GREB1L: variants seen among roughly 807,000 people sequenced by gnomAD.
The protein encoded by GREB1L is GREB1-like protein.
GREB1L carries 17 observed loss-of-function variants against 200.8 expected under a neutral mutation model. The ratio of observed to expected loss-of-function variants is 0.08; its 90% CI spans 0.06 to 0.13. GREB1L has a LOEUF of 0.13. Among genes scored for constraint, GREB1L ranks in the 10% least tolerant of loss-of-function variants. The probability of loss-of-function intolerance (pLI) is 1.00; values close to 1 mark genes in which losing one functional copy is unlikely to be tolerated. For synonymous variants in GREB1L, 789 were observed against 893.0 expected (o/e 0.88, Z 2.08); for missense variants, 1,657 against 2,367.7 (o/e 0.70, Z 6.23).
At chr18:21,335,713 G>A (rs571628162) in intron 1 of GREB1L, among the ~76,000 whole-genome samples, 63 of 151,050 alleles carry the variant, frequency 4.2e-4, no homozygotes, top group African/African-American at 1.5e-3. Flanking sequence ...GCCCAGGCTG[G>A]AGTGCAGTGG....
At chr18:21,404,423 T>C (rs1002140762) in intron 7 of GREB1L, among the ~76,000 whole-genome samples, 1 of 152,184 alleles carries the variant, frequency 6.6e-6, no homozygotes, top group African/African-American at 2.4e-5. Flanking sequence ...GGTCCTAAGC[T>C]AGGATTGTGG....
intron 7 of GREB1L, among the ~76,000 whole-genome samples, chr18:21,417,042 T>C (rs950991022): frequency 6.6e-6 from 1 of 151,002 alleles, no homozygotes; most frequent in Non-Finnish European, 1.5e-5. Flanking sequence ...AATAAAAATA[T>C]AAATAAATAA....
intron 1 of GREB1L, among the ~76,000 whole-genome samples, chr18:21,268,244 T>C (rs1158453094): frequency 6.6e-6 from 1 of 151,882 alleles, no homozygotes; most frequent in African/African-American, 2.4e-5. Context: ...GCCTTTGTCT[T>C]GTGTGGGAAA....
At chr18:21,456,414 C>T (rs953773922) in intron 15 of GREB1L, among the ~76,000 whole-genome samples, 5 of 152,158 alleles carry the variant, frequency 3.3e-5, no homozygotes, top group South Asian at 2.1e-4. Context: ...ACATTCCATG[C>T]GTGTATCAAA....
In GREB1L at chr18:21,516,502, GTTGA is replaced by G. The variant is rs971198549; in HGVS notation, c.5130-108_5130-105del. The stretch of plus-strand genomic sequence containing the variant: ...CGAGGGCCAGCTCCACAAAAGCATG[GTTGA>G]TTATTTTAGGCTCCTAATATCTTGC... On this transcript the variant is annotated intron_variant, in intron 29 of 32. Coordinates refer to ENST00000424526, the MANE Select transcript of GREB1L (RefSeq NM_001142966.3). The G allele has an allele frequency of 1.2e-5, 13 of 1,075,300 alleles. No individual in the cohort carries two copies. The East Asian group carries it at 1.3e-4, about 11-fold the overall frequency. The allele number at this position is 1,075,300 out of a possible 1,614,324, so 66.6% of individuals were successfully genotyped here.
intron 1 of GREB1L, among the ~76,000 whole-genome samples, chr18:21,242,980 T>C (rs76802915): frequency 0.067 from 10,251 of 152,042 alleles, 536 homozygotes; most frequent in Admixed American, 0.14. Flanking sequence ...GTCTGTGGGT[T>C]TTTTTCCTCA....
chr18:21,477,678 C>T (rs946503892), intron 17 of GREB1L, among the ~76,000 whole-genome samples: 5 of 151,696 alleles, frequency 3.3e-5, no homozygotes, highest in African/African-American at 1.2e-4. Context: ...CCCAGCTATT[C>T]AGGAGGCTGA....
In GREB1L at chr18:21,279,847, G is replaced by T. The variant is rs563377037; in HGVS notation, c.-120+37454G>T. 5.3e-5 allele frequency among the ~76,000 whole-genome samples: 8 copies of T among 152,200 alleles called. No homozygotes were observed. In the East Asian group the frequency reaches 1.4e-3, roughly 26 times the overall value. On this transcript the variant is annotated intron_variant, in intron 1 of 32. Transcript: ENST00000424526. ...GGTTTTTAAAAAACAGTACTTTATT[G>T]GTTGTTTTTTGTTTTGTTTTTAGTT...
At chr18:21,431,586 A>G (rs1347627933) in intron 7 of GREB1L, among the ~76,000 whole-genome samples, 2 of 152,116 alleles carry the variant, frequency 1.3e-5, no homozygotes, top group Non-Finnish European at 2.9e-5. Context: ...AAGAATGTAT[A>G]TTCTGCTTTT....
intron 1 of GREB1L, among the ~76,000 whole-genome samples, chr18:21,254,571 TA>T (rs998549605): frequency 2.6e-5 from 4 of 151,924 alleles, no homozygotes; most frequent in Non-Finnish European, 5.9e-5. Context: ...CAGCTGCATG[TA>T]AAAAAAGCAC....
chr18:21,490,031 A>G lies in GREB1L; in HGVS notation c.2710A>G (p.Met904Val). The G allele has an allele frequency of 1.3e-6, 2 of 1,551,638 alleles. No individual in the cohort carries two copies. The highest frequency in any genetic ancestry group is 1.7e-6 in the Non-Finnish European group (2 of 1,146,946). ...LLERYPRLHS[M>V]VVRCYLLIQQ... ...TTGAAGGTACCCCAGGCTGCACAGC[A>G]TGGTCGTCCGCTGCTATCTTCTCAT... is the stretch of plus-strand genomic sequence containing the variant. The change falls in exon 19 of 33, where the codon ATG becomes GTG. Residue 904 changes from methionine to valine, a missense_variant. Coordinates refer to ENST00000424526, the MANE Select transcript of GREB1L (RefSeq NM_001142966.3).
chr18:21,263,601 T>TA (rs1255381175), intron 1 of GREB1L, among the ~76,000 whole-genome samples: 1 of 152,190 alleles, frequency 6.6e-6, no homozygotes. Flanking sequence ...AAATCTAAGT[T>TA]AGACTTTTAT....
At chr18:21,339,150 G>A (rs1035507092) in intron 1 of GREB1L, among the ~76,000 whole-genome samples, 1 of 151,130 alleles carries the variant, frequency 6.6e-6, no homozygotes, top group Non-Finnish European at 1.5e-5. Context: ...TCGCACCTCT[G>A]CACTCCATCC....
At chr18:21,268,560 CATATATATATATAT>C (rs370094258) in intron 1 of GREB1L, among the ~76,000 whole-genome samples, 1,657 of 63,502 alleles carry the variant, frequency 0.026, 42 homozygotes, top group African/African-American at 0.1. Context: ...CACACACACA[CATATATATATATAT>C]ATATATATAT....
intron 1 of GREB1L, among the ~76,000 whole-genome samples, chr18:21,249,208 C>CA (rs2037658575): frequency 6.6e-6 from 1 of 151,862 alleles, no homozygotes; most frequent in Non-Finnish European, 1.5e-5. Context: ...TCTCTTGTCA[C>CA]AAACGCACAT....
intron 1 of GREB1L, among the ~76,000 whole-genome samples, chr18:21,244,396 T>C (rs2037561784): frequency 6.6e-6 from 1 of 152,176 alleles, no homozygotes; most frequent in Non-Finnish European, 1.5e-5. Context: ...AAAGGATAAA[T>C]ACGAAGGCCG....
At chr18:21,315,672 T>C (rs1427981373) in intron 1 of GREB1L, among the ~76,000 whole-genome samples, 1 of 152,110 alleles carries the variant, frequency 6.6e-6, no homozygotes, top group Non-Finnish European at 1.5e-5. Flanking sequence ...GGCCTACTAA[T>C]ATATGTCTAA....
chr18:21,336,868 C>T (rs956414432), intron 1 of GREB1L, among the ~76,000 whole-genome samples: 6 of 152,174 alleles, frequency 3.9e-5, no homozygotes, highest in Non-Finnish European at 7.4e-5. Context: ...CTCCCTACCC[C>T]GCTCCAGCCT....
At chr18:21,335,475 A>G (rs1469653335) in intron 1 of GREB1L, among the ~76,000 whole-genome samples, 1 of 152,188 alleles carries the variant, frequency 6.6e-6, no homozygotes, top group Non-Finnish European at 1.5e-5. Context: ...AGTTAGATGA[A>G]TCAAGGACAA....
Sources: allele counts gnomAD v4.1 joint callset (sites outside exome capture counted in the v4.1 genomes callset), GRCh38; gene constraint gnomAD v4.1.1; transcripts MANE v1.5; gene names NCBI Gene and HGNC (gene_info 2026-07-23, HGNC 2026-07-21).